HAUS6: variants seen among roughly 807,000 people sequenced by gnomAD.
The protein encoded by HAUS6 is HAUS augmin like complex subunit 6.
HAUS6 carries 80 observed loss-of-function variants against 106.8 expected under a neutral mutation model. That is an observed-to-expected ratio of 0.75 (90% CI 0.63 to 0.90). HAUS6 has a LOEUF of 0.90. HAUS6 is among the 40% of genes least tolerant of loss of function. The pLI is 0.00. For missense variants in HAUS6, 1,155 were observed against 1,118.1 expected, an observed-to-expected ratio of 1.03 and a Z score of -0.47; for synonymous variants, 356 against 379.1, an observed-to-expected ratio of 0.94 and a Z score of 0.71.
At chr9:19,064,549 T>C (rs1445478087) in intron 12 of HAUS6, among the ~76,000 whole-genome samples, 1 of 152,214 alleles carries the variant, frequency 6.6e-6, no homozygotes, top group East Asian at 1.9e-4. Context: ...CTTAAAAACC[T>C]TTAAAAGTTA....
At position 19,087,093 on chromosome 9, in the gene HAUS6, CTTT is replaced by C. The variant is rs766862859; in HGVS notation, c.645_647del (p.Ile215_Lys216delinsMet). 2.1e-6 allele frequency: 3 copies of C among 1,447,966 alleles called. No individual in the cohort carries two copies. Among genetic ancestry groups the C allele is most frequent in the Non-Finnish European group, 1.9e-6 (2 of 1,029,122 alleles). The allele number at this position is 1,447,966 out of a possible 1,614,324, so 89.7% of individuals were successfully genotyped here. A position where few individuals can be genotyped will look rare whatever the true frequency, so the allele number is the denominator to read the frequency against. On this transcript the variant is annotated inframe_deletion, in exon 6 of 17. Coordinates refer to ENST00000380502, the MANE Select transcript of HAUS6 (RefSeq NM_017645.5). Reference sequence around the variant, plus strand: ...TTCTAGCTCTAAAAGTCACTTACTTCTTTATTTGGTTTTCCAATCCTATACATT... The same window carrying C: ...TTCTAGCTCTAAAAGTCACTTACTTCATTTGGTTTTCCAATCCTATACATT...
At position 19,089,470 on chromosome 9, in the gene HAUS6, A is replaced by G. The variant is rs774547775; in HGVS notation, c.526T>C (p.Phe176Leu). Residue 176 changes from phenylalanine to leucine, a missense_variant, in exon 5 of 17, where the codon TTT (phenylalanine) becomes CTT (leucine). Transcript: ENST00000380502. Reference sequence around the variant, plus strand: ...TCTTGTCTTTGCAAAATTTGTAAAAATCTGCTACGTGCGAAATGGCATCTG... The same window carrying G: ...TCTTGTCTTTGCAAAATTTGTAAAAGTCTGCTACGTGCGAAATGGCATCTG... ...IARCHFARSR[F>L]LQILQRQDCV... 6.2e-7 allele frequency: 1 copy of G among 1,612,622 alleles called. No individual in the cohort carries two copies. Among genetic ancestry groups the G allele is most frequent in the South Asian group, 1.1e-5 (1 of 91,042 alleles).
chr9:19,093,249 C>G lies in HAUS6; in HGVS notation c.358G>C (p.Gly120Arg). ...QVVGSLFLSP[G>R]GPKFIHLMYH... ...ATCAGATGAATAAACTTAGGACCAC[C>G]AGGAGAAAGAAATAGTGAACCAACA... Residue 120 changes from glycine (G) to arginine (R), a missense_variant, in exon 4 of 17, where the codon GGT (glycine) becomes CGT (arginine). Gly to Arg is a moderately radical substitution (Grantham distance 125). Transcript: ENST00000380502. 2 of 1,609,680 alleles carry G rather than the reference C, an allele frequency of 1.2e-6. No individual in the cohort carries two copies. Among genetic ancestry groups the G allele is most frequent in the Non-Finnish European group, 1.7e-6 (2 of 1,177,254 alleles).
At chr9:19,059,208 T>C (rs942692823) in intron 15 of HAUS6, among the ~76,000 whole-genome samples, 5 of 152,182 alleles carry the variant, frequency 3.3e-5, no homozygotes, top group African/African-American at 1.2e-4. Context: ...TAAACACATA[T>C]AAAGACAGCT....
chr9:19,067,391 TTC>T (rs1202603144), intron 12 of HAUS6, among the ~76,000 whole-genome samples: 3 of 152,186 alleles, frequency 2.0e-5, no homozygotes, highest in African/African-American at 7.2e-5. Context: ...TTCACAGGCC[TTC>T]TGTTTTATTC....
At chr9:19,061,544 C>A (rs575112478) in intron 14 of HAUS6, among the ~76,000 whole-genome samples, 28 of 151,908 alleles carry the variant, frequency 1.8e-4, no homozygotes, top group Non-Finnish European at 2.9e-4. Context: ...AGAAAAATAA[C>A]TGACATCCAG....
At chr9:19,098,696 T>C (rs1427433621) in intron 1 of HAUS6, among the ~76,000 whole-genome samples, 1 of 150,380 alleles carries the variant, frequency 6.6e-6, no homozygotes, top group Non-Finnish European at 1.5e-5. Context: ...TACCTTGGAA[T>C]GGATTGTTGA....
chr9:19,093,024 A>G, intron 4 of HAUS6, 147 bp downstream of exon 4: 1 of 599,768 alleles, frequency 1.7e-6, no homozygotes, highest in Non-Finnish European at 2.9e-6. Context: ...GTACACTTCC[A>G]GTAGAATATT....
At chr9:19,071,803 C>T (rs1836886700) in intron 11 of HAUS6, among the ~76,000 whole-genome samples, 1 of 152,030 alleles carries the variant, frequency 6.6e-6, no homozygotes, top group Admixed American at 6.6e-5. Context: ...CTCCTAGGCT[C>T]AAGCAATCCT....
rs1476863575 is a variant in HAUS6 at position 19,058,122 on chromosome 9, A to G, written c.2645T>C (p.Leu882Ser). 1 of 1,614,100 alleles carries G rather than the reference A, an allele frequency of 6.2e-7. No individual in the cohort carries two copies. Among genetic ancestry groups the G allele is most frequent in the African/African-American group, 1.3e-5 (1 of 75,044 alleles). Residue 882 changes from leucine (L) to serine (S), a missense_variant, in exon 16 of 17, where the codon TTG (leucine) becomes TCG (serine). This residue lies in a region of HAUS6 where 380 missense variants were observed against 394.8 expected (regional missense o/e 0.96). Transcript: ENST00000380502. The part of the protein sequence containing the change: ...NVQTDDTLNF[L>S]DTCDLHTEHI... ...CTCAGTATGCAAATCACAGGTGTCC[A>G]AAAAGTTAAGCGTATCATCTGTTTG...
intron 15 of HAUS6, among the ~76,000 whole-genome samples, chr9:19,059,677 G>A (rs1385486577): frequency 6.6e-6 from 1 of 152,202 alleles, no homozygotes; most frequent in East Asian, 1.9e-4. Flanking sequence ...GACTCATTTG[G>A]GAGGGGTAAA....
rs112005391 is a variant in HAUS6, at chr9:19,089,485, A to G, written c.511T>C (p.Phe171Leu). 6.2e-7 allele frequency: 1 copy of G among 1,611,810 alleles called. No homozygotes were observed. The highest frequency in any genetic ancestry group is 1.7e-5 in the Admixed American group (1 of 60,010). Residue 171 changes from phenylalanine to leucine, a missense_variant, in exon 5 of 17, where the codon TTC becomes CTC. Physicochemically the swap from Phe to Leu is conservative, Grantham distance 22 (BLOSUM62 0). Coordinates refer to ENST00000380502, the MANE Select transcript of HAUS6 (RefSeq NM_017645.5). ...ATTTGTAAAAATCTGCTACGTGCGA[A>G]ATGGCATCTGGCAATGCATTTGTGC... is the stretch of plus-strand genomic sequence containing the variant. ...DLHKCIARCH[F>L]ARSRFLQILQ...
chr9:19,084,665 C>G (rs1378745830), intron 7 of HAUS6, among the ~76,000 whole-genome samples: 2 of 148,216 alleles, frequency 1.3e-5, no homozygotes, highest in Admixed American at 1.3e-4. Context: ...CAAGGTCTCA[C>G]TCTGTCACCC....
rs375476349 is a variant in HAUS6, at chr9:19,058,393, A to C, written c.2374T>G (p.Ser792Ala). The C allele has an allele frequency of 1.5e-5, 25 of 1,613,746 alleles. No individual in the cohort carries two copies. In the African/African-American group the frequency reaches 3.1e-4, roughly 20 times the overall value. ...EEVGHLSFNS[S>A]SSSEANFKLE... ...TTAAAATTGGCCTCTGAACTACTGG[A>C]ACTATTAAAACTTAGATGACCAACT... The change falls in exon 16 of 17, where the codon TCC (serine) becomes GCC (alanine). Residue 792 changes from serine (S) to alanine (A), a missense_variant. Around this residue, in one of 3 missense-constraint regions of HAUS6, gnomAD observed 380 missense variants for 394.8 expected, o/e 0.96. Transcript: ENST00000380502.
chr9:19,087,076 C>T lies in HAUS6; in HGVS notation c.650+15G>A. On this transcript the variant is annotated intron_variant, in intron 6 of 16. Transcript: ENST00000380502. ...CTAGTATCTAAGGCAACTTCTAGCT[C>T]TAAAAGTCACTTACTTCTTTATTTG... The T allele has an allele frequency of 7.6e-7, 1 of 1,320,728 alleles. No homozygotes were observed. 81.8% of individuals were successfully genotyped at this position (1,320,728 alleles called of 1,614,324 possible).
chr9:19,091,804 G>T (rs971734847), intron 4 of HAUS6, among the ~76,000 whole-genome samples: 3 of 152,090 alleles, frequency 2.0e-5, no homozygotes, highest in Non-Finnish European at 4.4e-5. Flanking sequence ...TGGGATTACA[G>T]GTGCCCACCA....
chr9:19,057,934 A>G, intron 16 of HAUS6, 27 bp downstream of exon 16: 1 of 1,355,654 alleles, frequency 7.4e-7, no homozygotes, highest in South Asian at 1.3e-5. Flanking sequence ...CAACAGGTGA[A>G]TATGCATAGG....
intron 4 of HAUS6, among the ~76,000 whole-genome samples, chr9:19,091,101 C>T (rs772954512): frequency 5.9e-5 from 9 of 151,736 alleles, no homozygotes; most frequent in African/African-American, 2.2e-4. Flanking sequence ...GAGTTCGAGA[C>T]CAGCCTGGCC....
rs370341467 is a variant in HAUS6, at chr9:19,062,997, T to C, written c.1629+11A>G. 3.1e-6 allele frequency: 5 copies of C among 1,591,618 alleles called. No individual in the cohort carries two copies. In the African/African-American group the frequency reaches 4.0e-5, roughly 13 times the overall value. ...TGATATTTAAGTATACTCATTACAGTCTTTTCTCACCTCTTCTACCAGATG... is the reference window on the plus strand; with the variant it reads ...TGATATTTAAGTATACTCATTACAGCCTTTTCTCACCTCTTCTACCAGATG... On this transcript the variant is annotated intron_variant, in intron 14 of 16. Transcript: ENST00000380502.
Sources: allele counts gnomAD v4.1 joint callset (sites outside exome capture counted in the v4.1 genomes callset), GRCh38; gene constraint gnomAD v4.1.1; regional missense constraint gnomAD v4.1.1; transcripts MANE v1.5; gene names NCBI Gene and HGNC (gene_info 2026-07-23, HGNC 2026-07-21).